PRSS22: variants seen among roughly 807,000 people sequenced by gnomAD.
PRSS22 encodes brain-specific serine protease 4.
A neutral mutation model predicts 28.0 loss-of-function variants in PRSS22; 26 were observed. The observed-to-expected ratio is 0.93, with a 90% confidence interval of 0.68 to 1.29. The LOEUF is 1.29. Ranked by LOEUF, PRSS22 falls within the 50% of genes most tolerant of loss-of-function variation. The pLI is 0.00. For missense variants in PRSS22, 444 were observed against 422.1 expected, an observed-to-expected ratio of 1.05 and a Z score of -0.46; for synonymous variants, 217 against 177.9, an observed-to-expected ratio of 1.22 and a Z score of -1.75.
chr16:2,853,388 G>T lies in PRSS22; in HGVS notation c.718-59C>A. On this transcript the variant is annotated intron_variant, in intron 5 of 5. Coordinates refer to ENST00000161006, the MANE Select transcript of PRSS22 (RefSeq NM_022119.4). The surrounding 1 kb of genome is among the most constrained non-coding windows in gnomAD (Gnocchi z 4.6). ...GGCACAGGGGGTGGCAGAATCCAGG[G>T]CCCGTGCCCTGTCAGGGGGCAGATG... 7.1e-7 allele frequency: 1 copy of T among 1,417,668 alleles called. No homozygotes were observed. Among genetic ancestry groups the T allele is most frequent in the Non-Finnish European group, 9.6e-7 (1 of 1,037,834 alleles). 87.8% of individuals were successfully genotyped at this position (1,417,668 alleles called of 1,614,324 possible). A position where few individuals can be genotyped will look rare whatever the true frequency, so the allele number is the denominator to read the frequency against.
At chr16:2,855,346 T>TAAAAAAAAAAAAAA (rs1567290371) in intron 4 of PRSS22, among the ~76,000 whole-genome samples, 1 of 16,158 alleles carries the variant, frequency 6.2e-5, no homozygotes, top group Admixed American at 7.7e-4. Flanking sequence ...ACACCCTGTC[T>TAAAAAAAAAAAAAA]CAAAAAAAAA....
In PRSS22 at chr16:2,856,101, C is replaced by T. The variant is rs749272435; in HGVS notation, c.262G>A (p.Ala88Thr). The T allele has an allele frequency of 1.9e-6, 3 of 1,613,926 alleles. No individual in the cohort carries two copies. In the South Asian group the frequency reaches 3.3e-5, roughly 18 times the overall value. ...SLLTSRWVIT[A>T]AHCFKDNLNK... ...ACATACTCCTTGAAACAGTGGGCAG[C>T]AGTGATCACCCAGCGGCTGGTGAGC... Residue 88 changes from alanine (A) to threonine (T), a missense_variant, in exon 3 of 6, where the codon GCT becomes ACT. Ala to Thr is a moderately conservative substitution (Grantham distance 58, BLOSUM62 0). Coordinates refer to ENST00000161006, the MANE Select transcript of PRSS22 (RefSeq NM_022119.4).
At chr16:2,857,451 G>A (rs1261022523) in intron 1 of PRSS22, among the ~76,000 whole-genome samples, 1 of 152,126 alleles carries the variant, frequency 6.6e-6, no homozygotes, top group Non-Finnish European at 1.5e-5. Context: ...CTGGTGGTGA[G>A]GAACCTCTAG....
At chr16:2,857,944 G>A (rs2069478478) in intron 1 of PRSS22, 79 bp downstream of exon 1, 6 of 1,095,276 alleles carry the variant, frequency 5.5e-6, no homozygotes, top group Non-Finnish European at 7.0e-6. Context: ...GCAAGGCCAG[G>A]AGGGAGAGAG....
intron 2 of PRSS22, 78 bp downstream of exon 2, chr16:2,856,744 G>C (rs1357176786): frequency 2.7e-6 from 4 of 1,497,628 alleles, no homozygotes; most frequent in African/African-American, 2.8e-5. Flanking sequence ...CCTGTGCCCA[G>C]GGGACGGACA....
intron 1 of PRSS22, chr16:2,857,049 G>A (rs2069465001): frequency 1.6e-6 from 1 of 640,618 alleles, no homozygotes; most frequent in Non-Finnish European, 2.7e-6. Flanking sequence ...CCCTGAGGAG[G>A]GTCCCTCAGC....
chr16:2,855,556 G>C lies in PRSS22; in HGVS notation c.559+18C>G. ...TCCCCATCTGCCCCCAACCACCTTG[G>C]AGAGGAAGAAGCCGCACCTCCATCT... On this transcript the variant is annotated intron_variant, in intron 4 of 5. Transcript: ENST00000161006. The C allele has an allele frequency of 6.2e-7, 1 of 1,613,438 alleles. No homozygotes were observed. The highest frequency in any genetic ancestry group is 1.7e-5 in the Admixed American group (1 of 59,990).
Position 2,858,036 on chromosome 16 carries a change from C to T in PRSS22, c.69G>A (p.Leu23=). ...CTCCGGACGTACCTGTCGACGCCAG[C>T]AGCAGCAGGGAGGTGAAGGTGCCGA... ...GCLGTFTSLL[L]LASTAILNAA... is the part of the protein sequence containing the mutation. The change falls in exon 1 of 6, where the codon CTG becomes CTA. Residue 23 remains leucine (L), a synonymous_variant. Coordinates refer to ENST00000161006, the MANE Select transcript of PRSS22 (RefSeq NM_022119.4). 1 of 1,284,250 alleles carries T rather than the reference C, an allele frequency of 7.8e-7. No individual in the cohort carries two copies. The highest frequency in any genetic ancestry group is 9.9e-7 in the Non-Finnish European group (1 of 1,006,396). The allele number at this position is 1,284,250 out of a possible 1,614,324, so 79.6% of individuals were successfully genotyped here.
At chr16:2,854,879 T>C (rs912931900) in intron 4 of PRSS22, among the ~76,000 whole-genome samples, 9 of 152,180 alleles carry the variant, frequency 5.9e-5, no homozygotes, top group African/African-American at 2.2e-4. Flanking sequence ...TTGCCCGCAA[T>C]TGTGGCATGC....
At chr16:2,856,692 C>T (rs1596326551) in intron 2 of PRSS22, 130 bp downstream of exon 2, 1 of 1,056,928 alleles carries the variant, frequency 9.5e-7, no homozygotes, top group East Asian at 2.6e-5. Context: ...TGCCTCCCTT[C>T]CCCTCTAGCT....
At chr16:2,854,207 G>T in intron 4 of PRSS22, 185 bp from the exon 5 acceptor site, 1 of 628,850 alleles carries the variant, frequency 1.6e-6, no homozygotes, top group Non-Finnish European at 2.7e-6. Context: ...CTCTGGCCCT[G>T]CTGAATTAGA....
At position 2,856,261 on chromosome 16, in the gene PRSS22, G is replaced by T; in HGVS notation, c.110-8C>A. On this transcript the variant is annotated splice_polypyrimidine_tract_variant and splice_region_variant and intron_variant, in intron 2 of 5. Transcript: ENST00000161006. The stretch of plus-strand genomic sequence containing the variant: ...TCCCACAGGCTGGGGGAACTGGAGG[G>T]TACGGTCAAGTTTTGTTATCTCCAA... 1 of 1,612,906 alleles carries T rather than the reference G, an allele frequency of 6.2e-7. No homozygotes were observed. The highest frequency in any genetic ancestry group is 8.5e-7 in the Non-Finnish European group (1 of 1,179,722).
chr16:2,855,638 G>A lies in PRSS22; in HGVS notation c.495C>T (p.Ala165=). ...GGGTGTTTGGAGGGAGGTGGATAGA[G>A]GCATCAGGTAGGCAGATGGGCAGGA... ...ERVLPICLPD[A]SIHLPPNTHC... is the part of the protein sequence containing the mutation. Residue 165 remains alanine, a synonymous_variant, in exon 4 of 6, where the codon GCC becomes GCT. Transcript: ENST00000161006. The A allele has an allele frequency of 5.0e-6, 8 of 1,614,182 alleles. No homozygotes were observed. Among genetic ancestry groups the A allele is most frequent in the African/African-American group, 2.7e-5 (2 of 75,042 alleles).
intron 4 of PRSS22, 75 bp downstream of exon 4, chr16:2,855,499 T>A: frequency 6.5e-7 from 1 of 1,528,314 alleles, no homozygotes; most frequent in Non-Finnish European, 8.9e-7. Flanking sequence ...TTGCTCATGG[T>A]GTCTGTGTCC....
chr16:2,858,166 T>G lies in PRSS22; in HGVS notation c.-62A>C, dbSNP rs2150830084. The stretch of plus-strand genomic sequence containing the variant: ...AGACCCAGGGCGATGCGGGTCAGGG[T>G]GTGTAGGTTCCCTGCAGGTCGCCCC... On this transcript the variant is annotated 5_prime_UTR_variant, in exon 1 of 6. Coordinates refer to ENST00000161006, the MANE Select transcript of PRSS22 (RefSeq NM_022119.4). 8.1e-7 allele frequency: 1 copy of G among 1,241,728 alleles called. No individual in the cohort carries two copies. The highest frequency in any genetic ancestry group is 1.0e-6 in the Non-Finnish European group (1 of 989,554). 76.9% of individuals were successfully genotyped at this position (1,241,728 alleles called of 1,614,324 possible).
Position 2,853,118 on chromosome 16 carries a change from C to T in PRSS22, c.929G>A (p.Gly310Asp). ...GGGALRAPSQ[G>D]SGAAARS ...CTAGGAGCGCGCGGCGGCCCCAGAG[C>T]CCTGGCTCGGTGCCCTGAGGGCCCC... is the stretch of plus-strand genomic sequence containing the variant. The change falls in exon 6 of 6, where the codon GGC becomes GAC. Residue 310 changes from glycine to aspartate, a missense_variant. Gly to Asp is a moderately conservative substitution (Grantham distance 94). Coordinates refer to ENST00000161006, the MANE Select transcript of PRSS22 (RefSeq NM_022119.4). The surrounding 1 kb of genome is among the most constrained non-coding windows in gnomAD (Gnocchi z 4.6). The T allele has an allele frequency of 1.3e-6, 2 of 1,595,124 alleles. No individual in the cohort carries two copies. The highest frequency in any genetic ancestry group is 1.7e-6 in the Non-Finnish European group (2 of 1,177,726).
Position 2,853,015 on chromosome 16 carries a change from G to T in PRSS22, c.*78C>A. The T allele has an allele frequency of 9.8e-7, 1 of 1,021,336 alleles. No individual in the cohort carries two copies. The highest frequency in any genetic ancestry group is 1.4e-6 in the Non-Finnish European group (1 of 727,164). The allele number at this position is 1,021,336 out of a possible 1,614,324, so 63.3% of individuals were successfully genotyped here. On this transcript the variant is annotated 3_prime_UTR_variant, in exon 6 of 6. Transcript: ENST00000161006. The surrounding 1 kb of genome is among the most constrained non-coding windows in gnomAD (Gnocchi z 4.6). ...GAGCCTATTTACGGCGGGGGAAACC[G>T]CCCGAGGCCGCCGCAGATCCAGATC...
chr16:2,856,887 G>T, intron 1 of PRSS22, 39 bp from the exon 2 acceptor site: 1 of 1,550,732 alleles, frequency 6.4e-7, no homozygotes, highest in Non-Finnish European at 8.7e-7. Flanking sequence ...CCGGTGAGGG[G>T]CCCCAGGACA....
chr16:2,857,754 G>T (rs1450469797), intron 1 of PRSS22: 4 of 346,158 alleles, frequency 1.2e-5, no homozygotes, highest in Non-Finnish European at 2.1e-5. Context: ...CGAGGAGATG[G>T]GAGAACACGG....
Sources: allele counts gnomAD v4.1 joint callset (sites outside exome capture counted in the v4.1 genomes callset), GRCh38; gene constraint gnomAD v4.1.1; non-coding constraint Gnocchi (gnomAD v3.1); transcripts MANE v1.5; gene names NCBI Gene and HGNC (gene_info 2026-07-23, HGNC 2026-07-21).